SLIT3: variants seen among roughly 807,000 people sequenced by gnomAD.
SLIT3 encodes slit homolog 3 protein.
SLIT3 carries 68 observed loss-of-function variants against 184.0 expected under a neutral mutation model. That is an observed-to-expected ratio of 0.37 (90% confidence interval 0.30 to 0.45). The LOEUF (loss-of-function observed/expected upper bound fraction) is 0.45, where lower values mean the gene tolerates loss of function less well. SLIT3 is among the 20% of genes least tolerant of loss of function. The pLI, the probability that SLIT3 is intolerant of heterozygous loss-of-function variation, is 1.00. For synonymous variants in SLIT3, 831 were observed against 828.6 expected (o/e 1.00, Z -0.05); for missense variants, 1,707 against 2,026.0 (o/e 0.84, Z 3.02).
chr5:169,033,353 G>A (rs1182832031), intron 4 of SLIT3, among the ~76,000 whole-genome samples: 1 of 152,082 alleles, frequency 6.6e-6, no homozygotes, highest in Non-Finnish European at 1.5e-5. Context: ...TCTGTCACCG[G>A]ACACTTAGGT....
intron 1 of SLIT3, among the ~76,000 whole-genome samples, chr5:169,293,515 TG>T (rs1035374628): frequency 6.6e-6 from 1 of 152,214 alleles, no homozygotes; most frequent in Admixed American, 6.5e-5. Context: ...GTAAGACTTT[TG>T]ACCATAATAA....
At chr5:168,700,493 C>T (rs1762183194) in intron 27 of SLIT3, 89 bp downstream of exon 27, 1 of 935,236 alleles carries the variant, frequency 1.1e-6, no homozygotes, top group Non-Finnish European at 1.7e-6. Flanking sequence ...AACTTCTTTC[C>T]TTTATAAATT....
intron 4 of SLIT3, among the ~76,000 whole-genome samples, chr5:169,110,719 T>C: frequency 6.6e-6 from 1 of 152,170 alleles, no homozygotes; most frequent in East Asian, 1.9e-4. Context: ...ATTCAATGCA[T>C]AACACCGGGC....
chr5:169,167,773 C>T (rs1762687884), intron 4 of SLIT3, among the ~76,000 whole-genome samples: 1 of 152,144 alleles, frequency 6.6e-6, no homozygotes, highest in South Asian at 2.1e-4. Flanking sequence ...CACTTCCTAG[C>T]ACCCTCTGCC....
At chr5:169,070,833 C>CA (rs1758521094) in intron 4 of SLIT3, among the ~76,000 whole-genome samples, 1 of 144,638 alleles carries the variant, frequency 6.9e-6, no homozygotes, top group Non-Finnish European at 1.5e-5. Flanking sequence ...AAAACAAAAA[C>CA]AAAAAACAAA....
chr5:169,207,918 T>C (rs917735020), intron 3 of SLIT3, among the ~76,000 whole-genome samples: 2 of 152,244 alleles, frequency 1.3e-5, no homozygotes, highest in African/African-American at 4.8e-5. Flanking sequence ...AGACACCAAG[T>C]ATACTGGCAC....
At chr5:168,764,463 G>A (rs1319655965) in intron 14 of SLIT3, among the ~76,000 whole-genome samples, 1 of 152,142 alleles carries the variant, frequency 6.6e-6, no homozygotes, top group African/African-American at 2.4e-5. Flanking sequence ...TCTCCCCAAA[G>A]GTTTTCCCAG....
Position 168,903,734 on chromosome 5 carries a change from A to C in SLIT3, c.414-20398T>G, listed in dbSNP as rs1289981138. ...CTTCTCCTCTCTGTTATTGTCCCTGACCTCCCACTATGATCCCCCTCTACA... is the reference window on the plus strand; with the variant it reads ...CTTCTCCTCTCTGTTATTGTCCCTGCCCTCCCACTATGATCCCCCTCTACA... On this transcript the variant is annotated intron_variant, in intron 4 of 35. Transcript: ENST00000519560. Among the ~76,000 whole-genome samples the C allele has an allele frequency of 3.3e-5, 5 of 151,852 alleles. No homozygotes were observed. The East Asian group carries it at 7.7e-4, about 23-fold the overall frequency.
intron 4 of SLIT3, among the ~76,000 whole-genome samples, chr5:168,960,377 A>AT (rs753076155): frequency 2.0e-5 from 3 of 152,232 alleles, no homozygotes; most frequent in Non-Finnish European, 4.4e-5. Context: ...TGCCTACTAT[A>AT]TGCCAGGAAT....
chr5:169,239,744 T>C (rs1197704637), intron 3 of SLIT3, among the ~76,000 whole-genome samples: 1 of 152,086 alleles, frequency 6.6e-6, no homozygotes, highest in Non-Finnish European at 1.5e-5. Context: ...TTTTCTATTA[T>C]ACATTCATTT....
Position 168,876,051 on chromosome 5 carries a change from C to G in SLIT3, c.485+7214G>C, listed in dbSNP as rs531667984. ...AAATCCCCCTTCAAGATGCAGCACC[C>G]CATTTGAGACGAGAGCCAGGCACTC... On this transcript the variant is annotated intron_variant, in intron 5 of 35. Coordinates refer to ENST00000519560, the MANE Select transcript of SLIT3 (RefSeq NM_003062.4). Among the ~76,000 whole-genome samples, 3 of 152,246 alleles carry G rather than the reference C, an allele frequency of 2.0e-5. No homozygotes were observed. In the East Asian group the frequency reaches 5.8e-4, roughly 29 times the overall value.
At chr5:169,048,085 A>C (rs192082755) in intron 4 of SLIT3, among the ~76,000 whole-genome samples, 70 of 152,268 alleles carry the variant, frequency 4.6e-4, no homozygotes, top group Admixed American at 1.5e-3. Flanking sequence ...CCCAAACCTC[A>C]ATTTCTTTCT....
chr5:168,942,890 AG>A (rs1762370707), intron 4 of SLIT3, among the ~76,000 whole-genome samples: 1 of 152,188 alleles, frequency 6.6e-6, no homozygotes, highest in Non-Finnish European at 1.5e-5. Flanking sequence ...GCCTAGGCTA[AG>A]TAGAAAAGTG....
At chr5:168,998,893 C>CTGTG (rs71575505) in intron 4 of SLIT3, among the ~76,000 whole-genome samples, 8,727 of 143,218 alleles carry the variant, frequency 0.061, 388 homozygotes, top group African/African-American at 0.13. Flanking sequence ...ACCCAGAAAT[C>CTGTG]TGTGTGTGTG....
intron 1 of SLIT3, among the ~76,000 whole-genome samples, chr5:169,266,926 T>G (rs1766415630): frequency 6.6e-6 from 1 of 152,186 alleles, no homozygotes; most frequent in Non-Finnish European, 1.5e-5. Flanking sequence ...CCTTAAGCAA[T>G]GTTTTTAAGA....
intron 1 of SLIT3, among the ~76,000 whole-genome samples, chr5:169,286,645 C>T (rs1767157506): frequency 6.6e-6 from 1 of 152,164 alleles, no homozygotes; most frequent in Non-Finnish European, 1.5e-5. Flanking sequence ...TCGCCAAATT[C>T]CCAGGCAAGC....
intron 4 of SLIT3, among the ~76,000 whole-genome samples, chr5:169,089,019 CAAAAAAAAAAAAAAAAAAAAAA>C (rs570118972): frequency 1.2e-4 from 3 of 25,542 alleles, no homozygotes; most frequent in South Asian, 2.5e-3. Context: ...GACTCCATCT[CAAAAAAAAAAAAAAAAAAAAAA>C]AAAAAAAAAA....
At chr5:168,842,474 T>TTTTTTG (rs200137852) in intron 6 of SLIT3, among the ~76,000 whole-genome samples, 3,855 of 127,732 alleles carry the variant, frequency 0.03, 109 homozygotes, top group Non-Finnish European at 0.042. Context: ...TTTTCGTTTT[T>TTTTTTG]TTTTTTTTTT....
intron 4 of SLIT3, among the ~76,000 whole-genome samples, chr5:169,135,260 C>T (rs988369030): frequency 1.1e-4 from 17 of 152,070 alleles, no homozygotes; most frequent in Admixed American, 9.2e-4. Flanking sequence ...TACAGGTGCC[C>T]GCCACCATGC....
Sources: gnomAD v4.1 joint callset for allele counts (sites outside exome capture counted in the v4.1 genomes callset) on GRCh38, gnomAD v4.1.1 for gene constraint, MANE v1.5 for transcripts, NCBI Gene and HGNC (gene_info 2026-07-23, HGNC 2026-07-21) for gene names.